Variants in STPG2 observed in about 807,000 individuals in gnomAD.
STPG2 encodes sperm tail PG-rich repeat containing 2.
STPG2 carries 56 observed loss-of-function variants against 54.2 expected under a neutral mutation model. The observed-to-expected ratio is 1.03, with a 90% CI of 0.83 to 1.29. The LOEUF (loss-of-function observed/expected upper bound fraction) is 1.29, where lower values mean the gene tolerates loss of function less well. STPG2 is among the 50% of genes most tolerant of loss of function. The pLI is 0.00. For missense variants in STPG2, 596 were observed against 544.9 expected (o/e 1.09, Z -0.93); for synonymous variants, 200 against 181.8 (o/e 1.10, Z -0.81).
chr4:97,824,961 T>G (rs1472585966), intron 9 of STPG2, among the ~76,000 whole-genome samples: 1 of 152,204 alleles, frequency 6.6e-6, no homozygotes, highest in Non-Finnish European at 1.5e-5. Context: ...GAGGTTACCT[T>G]TAGTAAGGTT....
chr4:97,613,850 G>C (rs1560685877), intron 10 of STPG2, among the ~76,000 whole-genome samples: 1 of 151,666 alleles, frequency 6.6e-6, no homozygotes, highest in Non-Finnish European at 1.5e-5. Flanking sequence ...AGATGCTCTA[G>C]ATTCATGTTG....
chr4:97,449,717 G>A (rs1337404707), intron 4 of STPG2, among the ~76,000 whole-genome samples: 1 of 152,160 alleles, frequency 6.6e-6, no homozygotes, highest in Non-Finnish European at 1.5e-5. Context: ...TAGTTAGTAA[G>A]TACAAGTTGA....
At chr4:97,920,761 T>C (rs1163114637) in intron 8 of STPG2, among the ~76,000 whole-genome samples, 2 of 152,216 alleles carry the variant, frequency 1.3e-5, no homozygotes, top group Non-Finnish European at 1.5e-5. Flanking sequence ...CTATGGTCTT[T>C]GACCAGTTAA....
intron 10 of STPG2, among the ~76,000 whole-genome samples, chr4:97,649,137 C>T (rs947932783): frequency 3.3e-5 from 5 of 152,138 alleles, no homozygotes; most frequent in African/African-American, 1.2e-4. Flanking sequence ...GTATATCCTG[C>T]TGATCTGCCA....
intron 9 of STPG2, among the ~76,000 whole-genome samples, chr4:97,757,734 T>C (rs1346482193): frequency 2.0e-5 from 3 of 152,188 alleles, no homozygotes; most frequent in Non-Finnish European, 4.4e-5. Context: ...TCATCCTGTT[T>C]CTGTATGGTG....
chr4:97,590,672 C>G (rs553707027), intron 10 of STPG2, among the ~76,000 whole-genome samples: 32 of 145,406 alleles, frequency 2.2e-4, no homozygotes, highest in South Asian at 1.7e-3. Flanking sequence ...CACACACACA[C>G]AGAGAGAAAC....
chr4:98,117,511 C>G (rs1301832696), intron 3 of STPG2, among the ~76,000 whole-genome samples: 3 of 151,968 alleles, frequency 2.0e-5, no homozygotes, highest in East Asian at 3.9e-4. Flanking sequence ...ATTCTCTTTT[C>G]TCCTTCCTCT....
chr4:97,995,229 G>C (rs949960552), intron 5 of STPG2, among the ~76,000 whole-genome samples: 4 of 145,104 alleles, frequency 2.8e-5, no homozygotes, highest in Admixed American at 7.2e-5. Flanking sequence ...GAACAGGGAT[G>C]AGAACTTGCC....
intron 10 of STPG2, among the ~76,000 whole-genome samples, chr4:97,617,553 CAGAG>C (rs1236057454): frequency 2.0e-5 from 3 of 152,136 alleles, no homozygotes; most frequent in Non-Finnish European, 4.4e-5. Flanking sequence ...GTAGGTTTGA[CAGAG>C]ATTCAAGGGT....
At chr4:97,565,997 G>T (rs940650340) in intron 10 of STPG2, among the ~76,000 whole-genome samples, 1 of 152,180 alleles carries the variant, frequency 6.6e-6, no homozygotes, top group Non-Finnish European at 1.5e-5. Context: ...GTCTGCGGAG[G>T]TTACTGCAGT....
intron 7 of STPG2, among the ~76,000 whole-genome samples, chr4:97,948,535 C>G (rs1733338246): frequency 6.6e-6 from 1 of 151,936 alleles, no homozygotes; most frequent in African/African-American, 2.4e-5. Flanking sequence ...CTTTCAGGCT[C>G]TGATGTAGGC....
chr4:97,542,644 C>A (rs1001370790), intron 4 of STPG2, among the ~76,000 whole-genome samples: 12 of 152,168 alleles, frequency 7.9e-5, no homozygotes, highest in Non-Finnish European at 1.3e-4. Context: ...CAATATAAAT[C>A]ATGTTGCTAT....
At position 97,807,952 on chromosome 4, in the gene STPG2, A is replaced by C. The variant is rs531477749; in HGVS notation, c.1204+32821T>G. 1.3e-3 allele frequency among the ~76,000 whole-genome samples: 200 copies of C among 152,160 alleles called. 1 individual carries two copies. Among genetic ancestry groups the C allele is most frequent in the African/African-American group, 4.6e-3 (193 of 41,580 alleles). On this transcript the variant is annotated intron_variant, in intron 9 of 10. Transcript: ENST00000295268. ...AGCAATATTTAAATAGACAGTATTT[A>C]GATGTTTTTGAATTCTCCACAGAAA...
chr4:97,592,966 A>G (rs1443670562), intron 10 of STPG2, among the ~76,000 whole-genome samples: 1 of 152,144 alleles, frequency 6.6e-6, no homozygotes, highest in Non-Finnish European at 1.5e-5. Context: ...TGCCCAAGGC[A>G]CATCATGCTC....
intron 8 of STPG2, among the ~76,000 whole-genome samples, chr4:97,852,511 CCTGTGAGATTGT>C (rs1729192316): frequency 6.6e-6 from 1 of 152,104 alleles, no homozygotes; most frequent in Admixed American, 6.6e-5. Flanking sequence ...TATTCTTTAT[CCTGTGAGATTGT>C]CAGTGAGACG....
At chr4:97,479,048 G>C (rs1377875778) in intron 4 of STPG2, among the ~76,000 whole-genome samples, 1 of 151,460 alleles carries the variant, frequency 6.6e-6, no homozygotes, top group Non-Finnish European at 1.5e-5. Flanking sequence ...ACAAATATTA[G>C]ATTGATTAAA....
rs190291546 is a variant in STPG2 at position 97,474,745 on chromosome 4, C to A, written c.462+237954G>T. Among the ~76,000 whole-genome samples, 6 of 151,814 alleles carry A rather than the reference C, an allele frequency of 4.0e-5. No homozygotes were observed. In the South Asian group the frequency reaches 6.3e-4, roughly 16 times the overall value. The stretch of plus-strand genomic sequence containing the variant: ...CTCACTGAAGCCAGTAGAAAAAAAA[C>A]CCCACAGAGCTGTATTTTTAAAAGT... On this transcript the variant is annotated intron_variant, in intron 4 of 4. Transcript: ENST00000522676.
At chr4:97,563,448 C>T (rs1160468020) in intron 10 of STPG2, among the ~76,000 whole-genome samples, 2 of 152,208 alleles carry the variant, frequency 1.3e-5, no homozygotes, top group African/African-American at 4.8e-5. Context: ...TTCAGTTCTG[C>T]TCTGATTTTA....
At position 98,109,307 on chromosome 4, in the gene STPG2, TA is replaced by T. The variant is rs748075361; in HGVS notation, c.388-3del. 6 of 1,587,154 alleles carry T rather than the reference TA, an allele frequency of 3.8e-6. No individual in the cohort carries two copies. The highest frequency in any genetic ancestry group is 2.2e-5 in the East Asian group (1 of 44,580). On this transcript the variant is annotated splice_polypyrimidine_tract_variant and splice_region_variant and intron_variant, in intron 3 of 10. Coordinates refer to ENST00000295268, the MANE Select transcript of STPG2 (RefSeq NM_174952.3). ...TTTCAAAGTTGCATTGGAAACATCC[TA>T]AAAAATAAAAAGTTTTAAAAAGTGA...
Sources: allele counts gnomAD v4.1 joint callset (sites outside exome capture counted in the v4.1 genomes callset), GRCh38; gene constraint gnomAD v4.1.1; transcripts MANE v1.5; gene names NCBI Gene and HGNC (gene_info 2026-07-23, HGNC 2026-07-21).